Variants in ZPBP observed in about 807,000 individuals in gnomAD.
ZPBP encodes the protein zona pellucida binding protein.
A neutral mutation model predicts 44.8 loss-of-function variants in ZPBP; 26 were observed. The observed-to-expected ratio is 0.58, with a 90% CI of 0.43 to 0.81. The LOEUF is 0.81. Ranked by LOEUF, ZPBP falls within the 30% of genes least tolerant of loss-of-function variation. The pLI is 0.00. For synonymous variants in ZPBP, 174 were observed against 153.2 expected (o/e 1.14, Z -1.00); for missense variants, 409 against 434.0 (o/e 0.94, Z 0.51).
At chr7:50,064,370 C>T (rs540731400) in intron 3 of ZPBP, among the ~76,000 whole-genome samples, 3 of 152,156 alleles carry the variant, frequency 2.0e-5, no homozygotes, top group Non-Finnish European at 4.4e-5. Flanking sequence ...GTTTCAGGCA[C>T]CATTGTCATT....
intron 6 of ZPBP, among the ~76,000 whole-genome samples, chr7:50,011,596 G>T (rs1217201837): frequency 6.6e-6 from 1 of 152,020 alleles, no homozygotes; most frequent in Non-Finnish European, 1.5e-5. Context: ...AATATATTCC[G>T]CAAGGCTAAA....
chr7:50,010,591 C>A (rs1383270833), intron 6 of ZPBP, among the ~76,000 whole-genome samples: 1 of 152,086 alleles, frequency 6.6e-6, no homozygotes, highest in African/African-American at 2.4e-5. Context: ...ACGGACTCAA[C>A]TCCTTTTATA....
At chr7:49,952,607 T>C (rs1471854989) in intron 7 of ZPBP, among the ~76,000 whole-genome samples, 1 of 151,990 alleles carries the variant, frequency 6.6e-6, no homozygotes, top group East Asian at 1.9e-4. Flanking sequence ...GAGGGATCTA[T>C]ATAACTAGAA....
intron 2 of ZPBP, among the ~76,000 whole-genome samples, chr7:49,885,364 G>A (rs75115509): frequency 2.4e-4 from 37 of 151,732 alleles, no homozygotes; most frequent in Non-Finnish European, 2.9e-4. Context: ...ATCTCTGAAA[G>A]TAAAACTATA....
chr7:50,040,941 G>A (rs1800059116), intron 4 of ZPBP, among the ~76,000 whole-genome samples: 1 of 152,152 alleles, frequency 6.6e-6, no homozygotes, highest in African/African-American at 2.4e-5. Context: ...AGCTGTCTGA[G>A]GTCGACCTGG....
intron 6 of ZPBP, among the ~76,000 whole-genome samples, chr7:49,996,376 T>C (rs1797845903): frequency 6.6e-6 from 1 of 151,984 alleles, no homozygotes; most frequent in African/African-American, 2.4e-5. Context: ...CTCTACTGAC[T>C]ACCCGACCTC....
At chr7:49,926,202 A>AAC (rs2128748804) in intron 1 of ZPBP, among the ~76,000 whole-genome samples, 1 of 152,314 alleles carries the variant, frequency 6.6e-6, no homozygotes, top group African/African-American at 2.4e-5. Context: ...CTGCTTAGAG[A>AAC]ACAAGTGTGT....
At chr7:49,852,518 A>AT (rs1030268662) in intron 2 of ZPBP, among the ~76,000 whole-genome samples, 1 of 152,006 alleles carries the variant, frequency 6.6e-6, no homozygotes, top group African/African-American at 2.4e-5. Context: ...ACTTCTTAAA[A>AT]TTGGGGGGGC....
At chr7:49,981,545 A>ATGGT (rs1562819934) in intron 7 of ZPBP, among the ~76,000 whole-genome samples, 3 of 89,144 alleles carry the variant, frequency 3.4e-5, no homozygotes, top group African/African-American at 1.3e-4. Context: ...AATTTTATAT[A>ATGGT]ATTATATAAA....
chr7:50,067,981 G>A (rs192036486), intron 3 of ZPBP, among the ~76,000 whole-genome samples: 19 of 152,164 alleles, frequency 1.2e-4, no homozygotes, highest in Admixed American at 8.5e-4. Context: ...AACCTCTATG[G>A]CCTCCCTTTC....
chr7:50,073,466 AAAGAT>A (rs1339770817), intron 3 of ZPBP, among the ~76,000 whole-genome samples: 1 of 152,116 alleles, frequency 6.6e-6, no homozygotes, highest in East Asian at 1.9e-4. Context: ...AGACAGAGGA[AAAGAT>A]AAGGGTAGAA....
intron 6 of ZPBP, among the ~76,000 whole-genome samples, chr7:50,009,688 C>G (rs1798481548): frequency 6.6e-6 from 1 of 151,952 alleles, no homozygotes; most frequent in African/African-American, 2.4e-5. Context: ...AACAATGAAA[C>G]TATCTCAGTT....
chr7:50,040,665 C>A (rs953287863), intron 4 of ZPBP, among the ~76,000 whole-genome samples: 1 of 152,154 alleles, frequency 6.6e-6, no homozygotes, highest in East Asian at 1.9e-4. Flanking sequence ...AACCTGCAGA[C>A]CAGGAGATTC....
At chr7:49,868,812 T>G (rs996560369) in intron 2 of ZPBP, among the ~76,000 whole-genome samples, 1 of 152,168 alleles carries the variant, frequency 6.6e-6, no homozygotes, top group African/African-American at 2.4e-5. Context: ...AGAGACAAGG[T>G]TTCACCATGT....
intron 2 of ZPBP, among the ~76,000 whole-genome samples, chr7:49,892,031 ATTTTTTTTTTTTTTTTT>A (rs536880676): frequency 3.8e-5 from 2 of 53,202 alleles, no homozygotes; most frequent in Non-Finnish European, 6.7e-5. Flanking sequence ...GACAAAGTAG[ATTTTTTTTTTTTTTTTT>A]TTTTTTTTTT....
Position 50,081,914 on chromosome 7 carries a change from T to C in ZPBP, c.209-15A>G, listed in dbSNP as rs754795177. ...ATACGCTTTCACTGAAAATACAATATTTAAAATGTTCCAATAGTATTTTAT... is the reference window on the plus strand; with the variant it reads ...ATACGCTTTCACTGAAAATACAATACTTAAAATGTTCCAATAGTATTTTAT... On this transcript the variant is annotated splice_polypyrimidine_tract_variant and intron_variant, in intron 2 of 7. Transcript: ENST00000046087. 9.9e-6 allele frequency: 16 copies of C among 1,609,226 alleles called. No homozygotes were observed. The highest frequency in any genetic ancestry group is 1.8e-4 in the Middle Eastern group (1 of 5,600).
chr7:49,944,041 A>C (rs1794997268), intron 7 of ZPBP: 2 of 255,274 alleles, frequency 7.8e-6, no homozygotes, highest in South Asian at 9.4e-5. Context: ...AGTATCAGGA[A>C]CGTGCACCTT....
At chr7:49,983,651 G>A (rs1441807918) in intron 6 of ZPBP, 132 bp from the exon 7 acceptor site, 5 of 590,750 alleles carry the variant, frequency 8.5e-6, no homozygotes, top group Non-Finnish European at 1.5e-5. Flanking sequence ...TGCACTCACA[G>A]ACTATAAATA....
At chr7:49,918,657 T>A (rs1295020260) in intron 1 of ZPBP, 5 of 152,212 alleles carry the variant, frequency 3.3e-5, no homozygotes, top group Non-Finnish European at 7.3e-5. Context: ...ATTTATTAGG[T>A]GATGATTATA....
Sources: allele counts gnomAD v4.1 joint callset (sites outside exome capture counted in the v4.1 genomes callset), GRCh38; gene constraint gnomAD v4.1.1; transcripts MANE v1.5; gene names NCBI Gene and HGNC (gene_info 2026-07-23, HGNC 2026-07-21).